Variants in NELFB observed in about 807,000 individuals in gnomAD.
NELFB encodes the protein negative elongation factor complex member B.
Under a neutral mutation model 60.2 loss-of-function variants are expected in NELFB, and 34 were observed. The ratio of observed to expected loss-of-function variants is 0.56; its 90% CI spans 0.43 to 0.75. The LOEUF is 0.75. NELFB is among the 30% of genes least tolerant of loss of function. The probability of loss-of-function intolerance (pLI) is 0.00; values close to 1 mark genes in which losing one functional copy is unlikely to be tolerated. For synonymous variants in NELFB, 459 were observed against 382.1 expected, an observed-to-expected ratio of 1.20 and a Z score of -2.35; for missense variants, 770 against 831.6, an observed-to-expected ratio of 0.93 and a Z score of 0.91.
In NELFB at chr9:137,272,964, C is replaced by T. The variant is rs965679967; in HGVS notation, c.*36C>T. 2.4e-5 allele frequency: 35 copies of T among 1,474,122 alleles called. No homozygotes were observed. In the African/African-American group the frequency reaches 4.0e-4, roughly 17 times the overall value. The allele number at this position is 1,474,122 out of a possible 1,614,324, so 91.3% of individuals were successfully genotyped here. ...GACCTGCTCGGGTGCTGGGGCCATG[C>T]CGAGTCGCGGCCCTGCTCAGCCGGA... On this transcript the variant is annotated 3_prime_UTR_variant, in exon 13 of 13. Coordinates refer to ENST00000343053, the MANE Select transcript of NELFB (RefSeq NM_015456.5).
chr9:137,263,141 C>T lies in NELFB; in HGVS notation c.846C>T (p.Tyr282=). The change falls in exon 5 of 13, where the codon TAC becomes TAT. Residue 282 remains tyrosine (Y), a synonymous_variant. Coordinates refer to ENST00000343053, the MANE Select transcript of NELFB (RefSeq NM_015456.5). ...TCCTGCGCACGCGGAATGTGCACTA[C>T]TGCACGCTGCGGGCTGAGCTGCTCA... The T allele has an allele frequency of 6.2e-7, 1 of 1,614,114 alleles. No individual in the cohort carries two copies. The highest frequency in any genetic ancestry group is 8.5e-7 in the Non-Finnish European group (1 of 1,180,006).
chr9:137,271,589 A>G (rs1830584542), intron 10 of NELFB, among the ~76,000 whole-genome samples: 1 of 152,198 alleles, frequency 6.6e-6, no homozygotes, highest in South Asian at 2.1e-4. Flanking sequence ...TTCAGAAAAG[A>G]ATGTGGAAGA....
chr9:137,273,255 C>T lies in NELFB; in HGVS notation c.*327C>T. On this transcript the variant is annotated 3_prime_UTR_variant, in exon 13 of 13. Coordinates refer to ENST00000343053, the MANE Select transcript of NELFB (RefSeq NM_015456.5). ...GCGGGGCCTGAGGGTGGGGGCGGGGCCTCTTCATTGGCCCAGCTTGGCGAA... is the reference window on the plus strand; with the variant it reads ...GCGGGGCCTGAGGGTGGGGGCGGGGTCTCTTCATTGGCCCAGCTTGGCGAA... 1 of 281,610 alleles carries T rather than the reference C, an allele frequency of 3.6e-6. No homozygotes were observed. The allele number at this position is 281,610 out of a possible 1,614,324, so 17.4% of individuals were successfully genotyped here. A position where few individuals can be genotyped will look rare whatever the true frequency, so the allele number is the denominator to read the frequency against.
intron 10 of NELFB, among the ~76,000 whole-genome samples, chr9:137,270,012 G>A (rs188085171): frequency 1.3e-5 from 2 of 152,178 alleles, no homozygotes; most frequent in East Asian, 1.9e-4. Flanking sequence ...GAAAGAATAC[G>A]AAGTCAAGAG....
chr9:137,259,719 A>ATTAT (rs935286101), intron 4 of NELFB, among the ~76,000 whole-genome samples: 2 of 144,810 alleles, frequency 1.4e-5, no homozygotes, highest in Admixed American at 1.4e-4. Context: ...TTATTTTTTT[A>ATTAT]TTATTTATTT....
intron 9 of NELFB, 34 bp from the exon 10 acceptor site, chr9:137,267,206 G>A (rs200489694): frequency 6.6e-7 from 1 of 1,512,388 alleles, no homozygotes; most frequent in South Asian, 1.1e-5. Flanking sequence ...GCTGAGGTGG[G>A]GCTGAGGTGG....
intron 10 of NELFB, among the ~76,000 whole-genome samples, chr9:137,271,322 T>C (rs1294142815): frequency 6.6e-6 from 1 of 152,254 alleles, no homozygotes; most frequent in Non-Finnish European, 1.5e-5. Flanking sequence ...AGCTGGGTTG[T>C]CCTCATAAAG....
intron 4 of NELFB, among the ~76,000 whole-genome samples, chr9:137,262,610 T>TA (rs1830463730): frequency 2.0e-4 from 31 of 152,264 alleles, no homozygotes; most frequent in Admixed American, 2.0e-3. Flanking sequence ...TAACTATTCT[T>TA]GCATATTTTG....
Position 137,263,115 on chromosome 9 carries a change from T to C in NELFB, c.820T>C (p.Phe274Leu), listed in dbSNP as rs773933136. 5.0e-6 allele frequency: 8 copies of C among 1,613,976 alleles called. No individual in the cohort carries two copies. The highest frequency in any genetic ancestry group is 4.0e-5 in the African/African-American group (3 of 74,928). Residue 274 changes from phenylalanine to leucine, a missense_variant, in exon 5 of 13, where the codon TTC becomes CTC. Coordinates refer to ENST00000343053, the MANE Select transcript of NELFB (RefSeq NM_015456.5). ...GGTGCTGCAGTTTCTGCGCACGCTC[T>C]TCCTGCGCACGCGGAATGTGCACTA...
intron 2 of NELFB, 119 bp from the exon 3 acceptor site, chr9:137,256,210 T>A: frequency 7.5e-7 from 1 of 1,331,910 alleles, no homozygotes; most frequent in Middle Eastern, 2.1e-4. Context: ...AGTGACCCCT[T>A]GACCCATGTG....
rs2131472561 is a variant in NELFB at position 137,256,448 on chromosome 9, C to G, written c.510+20C>G. ...CCCAAGGTAGGGCCCTAACCCTAAC[C>G]CTGATGGCGTGGACCGTCCGCCCAC... On this transcript the variant is annotated intron_variant, in intron 3 of 12. Transcript: ENST00000343053. 2 of 1,606,672 alleles carry G rather than the reference C, an allele frequency of 1.2e-6. No individual in the cohort carries two copies. Among genetic ancestry groups the G allele is most frequent in the East Asian group, 2.2e-5 (1 of 44,844 alleles).
In NELFB at chr9:137,269,644, C is replaced by G. The variant is rs935286801; in HGVS notation, c.1489+2298C>G. Among the ~76,000 whole-genome samples, 1 of 152,240 alleles carries G rather than the reference C, an allele frequency of 6.6e-6. No individual in the cohort carries two copies. Among genetic ancestry groups the G allele is most frequent in the African/African-American group, 2.4e-5 (1 of 41,464 alleles). ...CTTCAGTACTCAGTACAGCCATGTG[C>G]TGTGCAGGTGTCTAGCTCAGGGGCA... On this transcript the variant is annotated intron_variant, in intron 10 of 12. Transcript: ENST00000343053. This position sits in a 1 kb window ranked among gnomAD's most constrained non-coding sequence, Gnocchi z 5.3.
At position 137,267,227 on chromosome 9, in the gene NELFB, G is replaced by A. The variant is rs753072520; in HGVS notation, c.1383-13G>A. On this transcript the variant is annotated splice_polypyrimidine_tract_variant and intron_variant, in intron 9 of 12. Coordinates refer to ENST00000343053, the MANE Select transcript of NELFB (RefSeq NM_015456.5). ...GTGGGGCTGAGGTGGGGCTGATGGC[G>A]CCCCGGGCGCAGGTTTCTGCAGGAG... The A allele has an allele frequency of 1.1e-5, 18 of 1,609,648 alleles. No individual in the cohort carries two copies. The highest frequency in any genetic ancestry group is 2.2e-5 in the South Asian group (2 of 90,844).
intron 9 of NELFB, 45 bp from the exon 10 acceptor site, chr9:137,267,189 AGGTGGG>A (rs543108147): frequency 0.71 from 1,135,852 of 1,606,328 alleles, 403,832 homozygotes; most frequent in Admixed American, 0.79. Context: ...TGTGGGGCTG[AGGTGGG>A]GCTGAGGTGG....
chr9:137,266,493 G>T (rs911779533), intron 8 of NELFB, 67 bp downstream of exon 8: 8 of 1,375,628 alleles, frequency 5.8e-6, no homozygotes, highest in Non-Finnish European at 8.2e-6. Context: ...TGGGGTGGAG[G>T]GGGAGGCGCT....
intron 5 of NELFB, 129 bp downstream of exon 5, chr9:137,263,351 C>G: frequency 1.4e-6 from 1 of 723,564 alleles, no homozygotes; most frequent in Middle Eastern, 4.0e-4. Context: ...GCTGCCCTCC[C>G]TCCCTCCCTC....
chr9:137,267,120 C>T (rs747704646), intron 9 of NELFB, 34 bp downstream of exon 9: 89 of 1,613,226 alleles, frequency 5.5e-5, no homozygotes, highest in East Asian at 1.1e-4. Flanking sequence ...CAGGGGTGGC[C>T]GTGGCGCAGG....
At chr9:137,265,097 C>T (rs1038980388) in intron 6 of NELFB, among the ~76,000 whole-genome samples, 2 of 133,486 alleles carry the variant, frequency 1.5e-5, no homozygotes, top group Non-Finnish European at 3.1e-5. Context: ...TGCAGTGGTA[C>T]AGTCTCCCTC....
At position 137,271,986 on chromosome 9, in the gene NELFB, C is replaced by T. The variant is rs1830589127; in HGVS notation, c.1490-95C>T. ...ACAACTGAGAACTCTCATGTGAGCA[C>T]CCCCAGAAGTAGGTTCTGAGGTCTT... On this transcript the variant is annotated intron_variant, in intron 10 of 12. Transcript: ENST00000343053. 5.4e-6 allele frequency: 8 copies of T among 1,489,622 alleles called. No individual in the cohort carries two copies. The East Asian group carries it at 6.8e-5, about 13-fold the overall frequency. The allele number at this position is 1,489,622 out of a possible 1,614,324, so 92.3% of individuals were successfully genotyped here.
Sources: allele counts gnomAD v4.1 joint callset (sites outside exome capture counted in the v4.1 genomes callset), GRCh38; gene constraint gnomAD v4.1.1; non-coding constraint Gnocchi (gnomAD v3.1); transcripts MANE v1.5; gene names NCBI Gene and HGNC (gene_info 2026-07-23, HGNC 2026-07-21).